The following COL19A1 variants were observed in gnomAD, a reference collection of about 807,000 sequenced individuals.
COL19A1 encodes collagen type XIX alpha 1 chain, also known as collagen alpha-1(XIX) chain.
In COL19A1, 159 loss-of-function variants were observed where a neutral mutation model predicts 190.2. That is an observed-to-expected ratio of 0.84 (90% CI 0.73 to 0.95). The LOEUF is 0.95. COL19A1 is among the 40% of genes least tolerant of loss of function. The pLI is 0.00. For missense variants in COL19A1, 1,418 were observed against 1,431.9 expected, an observed-to-expected ratio of 0.99 and a Z score of 0.16; for synonymous variants, 509 against 458.9, an observed-to-expected ratio of 1.11 and a Z score of -1.39.
intron 11 of COL19A1, among the ~76,000 whole-genome samples, chr6:70,010,568 G>A (rs982169126): frequency 4.2e-5 from 6 of 141,738 alleles, no homozygotes; most frequent in Admixed American, 4.2e-4. Flanking sequence ...GGGTCAGGGA[G>A]TTCCCTTTCC....
chr6:70,194,734 T>C (rs1445770619), intron 48 of COL19A1, among the ~76,000 whole-genome samples: 1 of 152,154 alleles, frequency 6.6e-6, no homozygotes, highest in Non-Finnish European at 1.5e-5. Flanking sequence ...CTTGGGAATT[T>C]ACATCAACAT....
intron 48 of COL19A1, among the ~76,000 whole-genome samples, chr6:70,193,885 A>G (rs1167819678): frequency 6.6e-6 from 1 of 152,228 alleles, no homozygotes; most frequent in African/African-American, 2.4e-5. Context: ...AAGAAAAAAG[A>G]AAACTCCATT....
chr6:69,876,642 T>C (rs1768150375), intron 1 of COL19A1, among the ~76,000 whole-genome samples: 1 of 152,032 alleles, frequency 6.6e-6, no homozygotes, highest in Admixed American at 6.6e-5. Flanking sequence ...AGTAGCAGAG[T>C]CCAGACATGA....
At chr6:69,948,380 A>C (rs1172517160) in intron 9 of COL19A1, among the ~76,000 whole-genome samples, 1 of 151,850 alleles carries the variant, frequency 6.6e-6, no homozygotes, top group African/African-American at 2.4e-5. Flanking sequence ...ATAAAATAGC[A>C]TTAATTTTAA....
Position 69,926,597 on chromosome 6 carries a change from G to A in COL19A1, c.267-1312G>A, listed in dbSNP as rs117245389. 3.2e-4 allele frequency among the ~76,000 whole-genome samples: 48 copies of A among 152,128 alleles called. No individual in the cohort carries two copies. In the East Asian group the frequency reaches 5.4e-3, roughly 17 times the overall value. ...AGATAGTTCAATTAGTCTGCAGATC[G>A]GGGGAAAAAGAATGAAGAAAAATGA... is the stretch of plus-strand genomic sequence containing the variant. On this transcript the variant is annotated intron_variant, in intron 4 of 50. Coordinates refer to ENST00000620364, the MANE Select transcript of COL19A1 (RefSeq NM_001858.6).
chr6:69,876,674 G>A (rs1768152145), intron 1 of COL19A1, among the ~76,000 whole-genome samples: 1 of 152,118 alleles, frequency 6.6e-6, no homozygotes, highest in African/African-American at 2.4e-5. Context: ...TCACCACTGT[G>A]CCAAACTACT....
chr6:69,878,492 C>T (rs985366051), intron 1 of COL19A1, among the ~76,000 whole-genome samples: 1 of 152,046 alleles, frequency 6.6e-6, no homozygotes, highest in African/African-American at 2.4e-5. Flanking sequence ...GGATTACAGG[C>T]ATGAGCCACC....
At chr6:70,083,688 G>A (rs1038666661) in intron 15 of COL19A1, among the ~76,000 whole-genome samples, 4 of 152,158 alleles carry the variant, frequency 2.6e-5, no homozygotes, top group Admixed American at 2.6e-4. Flanking sequence ...TAAGAGAAAT[G>A]TGCACTTAGC....
At chr6:69,896,659 A>G (rs1257372427) in intron 2 of COL19A1, among the ~76,000 whole-genome samples, 1 of 151,740 alleles carries the variant, frequency 6.6e-6, no homozygotes, top group African/African-American at 2.4e-5. Flanking sequence ...CCTCATCAAC[A>G]CTTGGCATCT....
intron 2 of COL19A1, among the ~76,000 whole-genome samples, chr6:69,882,007 T>C (rs1157703632): frequency 6.6e-6 from 1 of 152,214 alleles, no homozygotes; most frequent in East Asian, 1.9e-4. Context: ...ACTAACCATT[T>C]ACCGGAGGGA....
intron 11 of COL19A1, among the ~76,000 whole-genome samples, chr6:69,967,577 A>G (rs1351663202): frequency 6.6e-6 from 1 of 152,230 alleles, no homozygotes; most frequent in Admixed American, 6.5e-5. Flanking sequence ...TAACAAGTTC[A>G]TATGGTCCCT....
At chr6:69,895,381 A>G (rs1769653339) in intron 2 of COL19A1, among the ~76,000 whole-genome samples, 1 of 152,230 alleles carries the variant, frequency 6.6e-6, no homozygotes, top group Non-Finnish European at 1.5e-5. Context: ...GAGCTCCCAC[A>G]TTGAACACCA....
At chr6:69,999,141 T>A (rs1477591486) in intron 11 of COL19A1, among the ~76,000 whole-genome samples, 1 of 151,848 alleles carries the variant, frequency 6.6e-6, no homozygotes, top group Non-Finnish European at 1.5e-5. Context: ...GTCAGGCTGG[T>A]CTCAAACACC....
intron 35 of COL19A1, among the ~76,000 whole-genome samples, chr6:70,162,312 CT>C (rs1352284640): frequency 2.3e-5 from 2 of 86,206 alleles, no homozygotes; most frequent in African/African-American, 1.0e-4. Flanking sequence ...AATTTATTTT[CT>C]AAAGGAAAAA....
At chr6:70,180,283 T>C in intron 42 of COL19A1, 29 bp from the exon 43 acceptor site, 2 of 1,613,988 alleles carry the variant, frequency 1.2e-6, no homozygotes, top group East Asian at 2.2e-5. Context: ...ATTTGGCTCC[T>C]AACATTTCTC....
intron 14 of COL19A1, among the ~76,000 whole-genome samples, chr6:70,067,764 A>G (rs1781331578): frequency 6.6e-6 from 1 of 152,072 alleles, no homozygotes; most frequent in African/African-American, 2.4e-5. Context: ...TTTTTTTTGA[A>G]TGGCAATATC....
chr6:70,110,244 A>T (rs1364961266), intron 16 of COL19A1, among the ~76,000 whole-genome samples: 1 of 151,982 alleles, frequency 6.6e-6, no homozygotes, highest in African/African-American at 2.4e-5. Context: ...TGGGAATCCA[A>T]TTCAAATTCT....
intron 11 of COL19A1, among the ~76,000 whole-genome samples, chr6:69,995,844 AGATTAAG>A (rs1776874761): frequency 6.6e-6 from 1 of 152,186 alleles, no homozygotes; most frequent in African/African-American, 2.4e-5. Context: ...TTATTTCGTT[AGATTAAG>A]TCCTTTCTCT....
chr6:70,182,442 A>G (rs560788118), intron 44 of COL19A1, among the ~76,000 whole-genome samples: 75 of 152,310 alleles, frequency 4.9e-4, no homozygotes, highest in African/African-American at 1.6e-3. Flanking sequence ...GGAGATGTCA[A>G]GTACACAGTG....
Sources: gnomAD v4.1 joint callset for allele counts (sites outside exome capture counted in the v4.1 genomes callset) on GRCh38, gnomAD v4.1.1 for gene constraint, MANE v1.5 for transcripts, NCBI Gene and HGNC (gene_info 2026-07-23, HGNC 2026-07-21) for gene names.